HCN1: variants seen among roughly 807,000 people sequenced by gnomAD.
HCN1 encodes hyperpolarization activated cyclic nucleotide gated potassium channel 1.
A neutral mutation model predicts 78.9 loss-of-function variants in HCN1; 13 were observed. The ratio of observed to expected loss-of-function variants is 0.16; its 90% confidence interval spans 0.11 to 0.26. The LOEUF is 0.26. Among genes scored for constraint, HCN1 ranks in the 10% least tolerant of loss-of-function variants. The pLI is 1.00. For synonymous variants in HCN1, 552 were observed against 455.5 expected (o/e 1.21, Z -2.70); for missense variants, 810 against 1,154.3 (o/e 0.70, Z 4.32).
intron 2 of HCN1, among the ~76,000 whole-genome samples, chr5:45,477,218 CA>C (rs976763854): frequency 6.4e-4 from 93 of 146,032 alleles, no homozygotes; most frequent in Non-Finnish European, 8.5e-4. Context: ...GGGATTCAAC[CA>C]AAAAAAAAAT....
intron 3 of HCN1, among the ~76,000 whole-genome samples, chr5:45,427,528 C>A (rs561087546): frequency 2.2e-4 from 33 of 152,180 alleles, no homozygotes; most frequent in African/African-American, 7.7e-4. Flanking sequence ...CTATACTATT[C>A]CTAGGTATCC....
At chr5:45,438,792 A>G (rs1329914494) in intron 3 of HCN1, among the ~76,000 whole-genome samples, 1 of 152,152 alleles carries the variant, frequency 6.6e-6, no homozygotes, top group Non-Finnish European at 1.5e-5. Context: ...TGTACACGTC[A>G]GGTTTCTTAA....
chr5:45,601,001 A>C (rs1405552913), intron 2 of HCN1, among the ~76,000 whole-genome samples: 1 of 152,154 alleles, frequency 6.6e-6, no homozygotes, highest in Non-Finnish European at 1.5e-5. Context: ...TTGAAATATA[A>C]AGGATATGGG....
intron 3 of HCN1, among the ~76,000 whole-genome samples, chr5:45,446,038 G>A (rs532797856): frequency 6.6e-6 from 1 of 152,208 alleles, no homozygotes; most frequent in African/African-American, 2.4e-5. Context: ...GCTGGACAGA[G>A]AATGACTTTG....
intron 2 of HCN1, among the ~76,000 whole-genome samples, chr5:45,531,358 A>T (rs1742844949): frequency 6.6e-6 from 1 of 152,108 alleles, no homozygotes; most frequent in African/African-American, 2.4e-5. Flanking sequence ...GCCTTGAAAT[A>T]GCCTTCCCAC....
intron 2 of HCN1, among the ~76,000 whole-genome samples, chr5:45,593,129 C>T (rs916988123): frequency 1.3e-5 from 2 of 152,132 alleles, no homozygotes; most frequent in African/African-American, 4.8e-5. Context: ...AATGTTTTTC[C>T]TATATTCTGT....
intron 3 of HCN1, among the ~76,000 whole-genome samples, chr5:45,413,590 T>C (rs940710578): frequency 1.3e-5 from 2 of 152,040 alleles, no homozygotes; most frequent in Non-Finnish European, 2.9e-5. Context: ...GTAAGTAAGA[T>C]GGGTGGGCTG....
intron 5 of HCN1, among the ~76,000 whole-genome samples, chr5:45,327,744 G>A (rs1245679360): frequency 6.6e-6 from 1 of 151,516 alleles, no homozygotes; most frequent in Non-Finnish European, 1.5e-5. Flanking sequence ...CTGACTGGCT[G>A]ACTGGCGTCC....
chr5:45,536,427 T>G (rs1429405137), intron 2 of HCN1, among the ~76,000 whole-genome samples: 1 of 152,218 alleles, frequency 6.6e-6, no homozygotes, highest in Non-Finnish European at 1.5e-5. Context: ...TCAACTGACT[T>G]TATTTCCTGT....
chr5:45,369,722 A>G (rs1030582240), intron 4 of HCN1, among the ~76,000 whole-genome samples: 5 of 151,900 alleles, frequency 3.3e-5, no homozygotes, highest in African/African-American at 1.2e-4. Context: ...ACCCCAAAAC[A>G]CTCCAGTGCA....
chr5:45,534,723 T>C (rs1443682877), intron 2 of HCN1, among the ~76,000 whole-genome samples: 1 of 152,046 alleles, frequency 6.6e-6, no homozygotes, highest in African/African-American at 2.4e-5. Context: ...GCGAAACTGG[T>C]TGGCATAAGT....
intron 6 of HCN1, among the ~76,000 whole-genome samples, chr5:45,288,951 TCCA>T (rs1745319913): frequency 6.6e-6 from 1 of 152,028 alleles, no homozygotes; most frequent in East Asian, 1.9e-4. Flanking sequence ...CAGCCATCTG[TCCA>T]CCAGCAATGA....
chr5:45,280,629 C>T (rs1247642162), intron 6 of HCN1, among the ~76,000 whole-genome samples: 2 of 152,142 alleles, frequency 1.3e-5, no homozygotes, highest in East Asian at 1.9e-4. Context: ...ATATTTTTGG[C>T]CTCCTATCTT....
At chr5:45,397,687 A>G (rs1233247644) in intron 3 of HCN1, among the ~76,000 whole-genome samples, 1 of 151,654 alleles carries the variant, frequency 6.6e-6, no homozygotes, top group Non-Finnish European at 1.5e-5. Context: ...CTACTTTATT[A>G]TTTATAAAAC....
Position 45,427,716 on chromosome 5 carries a change from C to T in HCN1, c.1012-31006G>A, listed in dbSNP as rs565166166. Among the ~76,000 whole-genome samples, 15 of 152,046 alleles carry T rather than the reference C, an allele frequency of 9.9e-5. No individual in the cohort carries two copies. The South Asian group carries it at 3.1e-3, about 32-fold the overall frequency. On this transcript the variant is annotated intron_variant, in intron 3 of 7. Coordinates refer to ENST00000303230, the MANE Select transcript of HCN1 (RefSeq NM_021072.4). ...TCAAATGTTTGGTTGCACTAAATTG[C>T]TTTTATTTGTTCTTGTGCTTGTTGA...
intron 2 of HCN1, among the ~76,000 whole-genome samples, chr5:45,497,461 C>T (rs1418155399): frequency 6.6e-6 from 1 of 152,032 alleles, no homozygotes; most frequent in Non-Finnish European, 1.5e-5. Context: ...ATGTAATGGC[C>T]TTCTTTGTCT....
chr5:45,381,305 CT>C (rs1053339259), intron 4 of HCN1, among the ~76,000 whole-genome samples: 1 of 152,066 alleles, frequency 6.6e-6, no homozygotes, highest in Non-Finnish European at 1.5e-5. Flanking sequence ...AGATAAGTTT[CT>C]TCCCAAAACG....
chr5:45,311,379 C>T (rs1745849167), intron 5 of HCN1, among the ~76,000 whole-genome samples: 1 of 152,052 alleles, frequency 6.6e-6, no homozygotes, highest in African/African-American at 2.4e-5. Flanking sequence ...TCAAATGTTA[C>T]TATTTAAAAT....
chr5:45,524,502 G>A (rs1742687093), intron 2 of HCN1, among the ~76,000 whole-genome samples: 1 of 152,068 alleles, frequency 6.6e-6, no homozygotes, highest in Admixed American at 6.6e-5. Flanking sequence ...AGCATGAAAT[G>A]TTCTTCCATT....
Sources: gnomAD v4.1 joint callset for allele counts (sites outside exome capture counted in the v4.1 genomes callset) on GRCh38, gnomAD v4.1.1 for gene constraint, MANE v1.5 for transcripts, NCBI Gene and HGNC (gene_info 2026-07-23, HGNC 2026-07-21) for gene names.